STK32A: variants seen among roughly 807,000 people sequenced by gnomAD.
The protein encoded by STK32A is serine/threonine-protein kinase 32A.
In STK32A, 41 loss-of-function variants were observed where a neutral mutation model predicts 53.2. The observed-to-expected ratio is 0.77, with a 90% CI of 0.60 to 1.00. The LOEUF (loss-of-function observed/expected upper bound fraction) is 1.00. STK32A is among the 50% of genes least tolerant of loss of function. The probability of loss-of-function intolerance (pLI) is 0.00; values close to 1 mark genes in which losing one functional copy is unlikely to be tolerated. For missense variants in STK32A, 458 were observed against 485.8 expected, an observed-to-expected ratio of 0.94 and a Z score of 0.54; for synonymous variants, 166 against 162.8, an observed-to-expected ratio of 1.02 and a Z score of -0.15.
At chr5:147,250,273 G>A (rs567940573) in intron 2 of STK32A, among the ~76,000 whole-genome samples, 65 of 152,252 alleles carry the variant, frequency 4.3e-4, no homozygotes, top group South Asian at 8.3e-4. Context: ...AGGAGCTGGA[G>A]TAGAGTATCC....
chr5:147,401,731 T>C, the STK32A span: 1 of 1,612,984 alleles, frequency 6.2e-7, no homozygotes, highest in South Asian at 1.1e-5. Flanking sequence ...GGGGTTAGCA[T>C]AAAGTATATG....
At chr5:147,294,972 C>G (rs184878753) in intron 4 of STK32A, among the ~76,000 whole-genome samples, 1 of 152,140 alleles carries the variant, frequency 6.6e-6, no homozygotes, top group African/African-American at 2.4e-5. Flanking sequence ...CATGAGCCAC[C>G]GCGTCTGGCC....
chr5:147,395,539 G>A, the STK32A span: 1 of 1,599,032 alleles, frequency 6.3e-7, no homozygotes, highest in East Asian at 2.3e-5. Context: ...CTTATCTTTT[G>A]ATGAGCCTGT....
At chr5:147,342,618 A>G (rs1364371) in intron 5 of STK32A, 37,556 of 175,614 alleles carry the variant, frequency 0.21, 5,524 homozygotes, top group African/African-American at 0.44. Flanking sequence ...CTAGAGTTAC[A>G]CAAGAAAATG....
chr5:147,246,521 A>G (rs1753771078), intron 2 of STK32A, among the ~76,000 whole-genome samples: 1 of 152,208 alleles, frequency 6.6e-6, no homozygotes, highest in Non-Finnish European at 1.5e-5. Flanking sequence ...TATTTTTAAT[A>G]TTTATTTCAA....
chr5:147,332,343 G>A (rs550516349), intron 5 of STK32A, among the ~76,000 whole-genome samples: 23 of 148,118 alleles, frequency 1.6e-4, no homozygotes, highest in African/African-American at 5.1e-4. Context: ...TTCAGTATCT[G>A]TAGGCTTTTT....
intron 6 of STK32A, among the ~76,000 whole-genome samples, chr5:147,345,652 G>T (rs1009511324): frequency 2.6e-5 from 4 of 151,756 alleles, no homozygotes; most frequent in Non-Finnish European, 4.4e-5. Context: ...TGTACATTCT[G>T]CTGTCTTTCA....
intron 2 of STK32A, among the ~76,000 whole-genome samples, chr5:147,251,584 T>C (rs575093523): frequency 6.6e-6 from 1 of 152,290 alleles, no homozygotes; most frequent in South Asian, 2.1e-4. Flanking sequence ...AATGCATATA[T>C]AAAATTTCAA....
intron 10 of STK32A, among the ~76,000 whole-genome samples, chr5:147,373,615 T>G (rs56315827): frequency 4.1e-5 from 6 of 145,114 alleles, no homozygotes; most frequent in African/African-American, 9.8e-5. Flanking sequence ...TCTGCTGGGG[T>G]TTTTTTTAAG....
At position 147,367,028 on chromosome 5, in the gene STK32A, G is replaced by A. The variant is rs114738966; in HGVS notation, c.661-3626G>A. Among the ~76,000 whole-genome samples the A allele has an allele frequency of 6.6e-3, 1,004 of 151,870 alleles. 5 individuals carry two copies. Among genetic ancestry groups the A allele is most frequent in the Non-Finnish European group, 0.011 (726 of 67,952 alleles). On this transcript the variant is annotated intron_variant, in intron 8 of 12. Coordinates refer to ENST00000397936, the MANE Select transcript of STK32A (RefSeq NM_001112724.2). ...AGGTTGTTAATTCATTAAAGGTAAA[G>A]TATGTATCTTATATAGGTTAGTATT...
At chr5:147,323,509 A>T (rs910265635) in intron 4 of STK32A, among the ~76,000 whole-genome samples, 1 of 152,194 alleles carries the variant, frequency 6.6e-6, no homozygotes. Context: ...AGGAGTTCCC[A>T]TAACTCATAT....
intron 4 of STK32A, among the ~76,000 whole-genome samples, chr5:147,303,444 C>T (rs953327966): frequency 7.2e-5 from 11 of 152,130 alleles, no homozygotes; most frequent in Non-Finnish European, 1.2e-4. Flanking sequence ...AGCTGACAAA[C>T]TTAATGAGCA....
chr5:147,396,287 G>T, the STK32A span, among the ~76,000 whole-genome samples: 36,390 of 152,036 alleles, frequency 0.24, 4,724 homozygotes, highest in East Asian at 0.55. Context: ...CTGTGAACTT[G>T]CCCTGGGACT....
chr5:147,375,361 A>T, intron 11 of STK32A, 143 bp downstream of exon 11: 2 of 1,057,368 alleles, frequency 1.9e-6, no homozygotes, highest in Non-Finnish European at 1.3e-6. Context: ...CCGGGTTTCT[A>T]AAAGGGCAGA....
chr5:147,318,896 A>G (rs2151975903), intron 4 of STK32A, among the ~76,000 whole-genome samples: 1 of 152,224 alleles, frequency 6.6e-6, no homozygotes, highest in Admixed American at 6.5e-5. Flanking sequence ...CCATTTCTCC[A>G]TGTCCTTACC....
At chr5:147,333,886 C>T (rs1189296183) in intron 5 of STK32A, among the ~76,000 whole-genome samples, 1 of 152,102 alleles carries the variant, frequency 6.6e-6, no homozygotes, top group Admixed American at 6.6e-5. Context: ...GGAATAGTTA[C>T]ATCAGGGATC....
chr5:147,298,835 T>C (rs1439189291), intron 4 of STK32A, among the ~76,000 whole-genome samples: 1 of 152,180 alleles, frequency 6.6e-6, no homozygotes, highest in Non-Finnish European at 1.5e-5. Context: ...GAAACTCCTG[T>C]CTTTCAGTAG....
intron 4 of STK32A, among the ~76,000 whole-genome samples, chr5:147,298,705 C>T (rs1302675285): frequency 6.6e-6 from 1 of 152,046 alleles, no homozygotes; most frequent in Non-Finnish European, 1.5e-5. Flanking sequence ...TCTTCTTGGC[C>T]AAATTTTGTA....
chr5:147,357,048 C>A (rs1349667653), intron 7 of STK32A, among the ~76,000 whole-genome samples: 2 of 152,030 alleles, frequency 1.3e-5, no homozygotes, highest in Non-Finnish European at 2.9e-5. Context: ...TGAGGTAAGG[C>A]ACATGTTAAT....
Sources: allele counts gnomAD v4.1 joint callset (sites outside exome capture counted in the v4.1 genomes callset), GRCh38; gene constraint gnomAD v4.1.1; transcripts MANE v1.5; gene names NCBI Gene and HGNC (gene_info 2026-07-23, HGNC 2026-07-21).